The following ZNF556 variants were observed in gnomAD, a reference collection of about 807,000 sequenced individuals.
ZNF556 encodes zinc finger protein 556.
A neutral mutation model predicts 13.6 loss-of-function variants in ZNF556; 11 were observed. The observed-to-expected ratio is 0.81, with a 90% CI of 0.51 to 1.33. ZNF556 has a LOEUF of 1.33. ZNF556 is among the 40% of genes most tolerant of loss of function. ZNF556 has a pLI of 0.00. For synonymous variants in ZNF556, 229 were observed against 207.8 expected (o/e 1.10, Z -0.88); for missense variants, 633 against 566.2 (o/e 1.12, Z -1.20).
rs527518017 is a variant in ZNF556 at position 2,878,398 on chromosome 19, C to T, written c.*69C>T. On this transcript the variant is annotated 3_prime_UTR_variant, in exon 4 of 4. Coordinates refer to ENST00000307635, the MANE Select transcript of ZNF556 (RefSeq NM_024967.3). ...AAATTCACAGCAGGAGGGCCGGGCG[C>T]AGTGGCTCACGCCTGTAATCCCAGC... is the stretch of plus-strand genomic sequence containing the variant. 51 of 1,516,152 alleles carry T rather than the reference C, an allele frequency of 3.4e-5. No homozygotes were observed. The East Asian group carries it at 3.4e-4, about 10-fold the overall frequency. The allele number at this position is 1,516,152 out of a possible 1,614,324, so 93.9% of individuals were successfully genotyped here.
In ZNF556 at chr19:2,881,781, T is replaced by C. The variant is rs1057161976; in HGVS notation, c.*3452T>C. Reference sequence around the variant, plus strand: ...TTTTTAATACTATTTCAAGAACTGCTCATGAGTTAGGAAATAGTGAGCAGT... The same window carrying C: ...TTTTTAATACTATTTCAAGAACTGCCCATGAGTTAGGAAATAGTGAGCAGT... On this transcript the variant is annotated 3_prime_UTR_variant, in exon 4 of 4. Transcript: ENST00000307635. 1 of 151,756 alleles carries C rather than the reference T, an allele frequency of 6.6e-6. No homozygotes were observed. Among genetic ancestry groups the C allele is most frequent in the Non-Finnish European group, 1.5e-5 (1 of 68,004 alleles). 9.4% of individuals were successfully genotyped at this position (151,756 alleles called of 1,614,324 possible).
chr19:2,881,584 A>C lies in ZNF556; in HGVS notation c.*3255A>C, dbSNP rs974716866. ...AAGAGTAAGACTCCATCTCAAAAAA[A>C]AAAAAATTTTTTTTTTGGATAATAT... is the stretch of plus-strand genomic sequence containing the variant. On this transcript the variant is annotated 3_prime_UTR_variant, in exon 4 of 4. Coordinates refer to ENST00000307635, the MANE Select transcript of ZNF556 (RefSeq NM_024967.3). 2.0e-5 allele frequency: 3 copies of C among 151,952 alleles called. No homozygotes were observed. The highest frequency in any genetic ancestry group is 4.4e-5 in the Non-Finnish European group (3 of 68,002). 9.4% of individuals were successfully genotyped at this position (151,952 alleles called of 1,614,324 possible). A position where few individuals can be genotyped will look rare whatever the true frequency, so the allele number is the denominator to read the frequency against.
At chr19:2,872,343 G>C (rs910231256) in intron 1 of ZNF556, among the ~76,000 whole-genome samples, 1 of 151,028 alleles carries the variant, frequency 6.6e-6, no homozygotes, top group Non-Finnish European at 1.5e-5. Context: ...CTTCCCAGAC[G>C]CTGGCGTTAC....
rs887041383 is a variant in ZNF556, at chr19:2,881,760, T to TA, written c.*3433dup. ...GTCTTAAATACTATTTCTTTTTTTT[T>TA]AATACTATTTCAAGAACTGCTCATG... On this transcript the variant is annotated 3_prime_UTR_variant, in exon 4 of 4. Transcript: ENST00000307635. 3 of 151,974 alleles carry TA rather than the reference T, an allele frequency of 2.0e-5. No homozygotes were observed. The highest frequency in any genetic ancestry group is 7.3e-5 in the African/African-American group (3 of 41,364). 9.4% of individuals were successfully genotyped at this position (151,974 alleles called of 1,614,324 possible). A position where few individuals can be genotyped will look rare whatever the true frequency, so the allele number is the denominator to read the frequency against.
chr19:2,882,531 A>ATATATATATATATATATAGTGTGT lies in ZNF556; in HGVS notation c.*4202_*4203insTATATATATATATATATAGTGTGT, dbSNP rs57053138. On this transcript the variant is annotated 3_prime_UTR_variant, in exon 4 of 4. Transcript: ENST00000307635. Reference sequence around the variant, plus strand: ...ATACATTTTATATATATATATATATAGTGTGTGTGTGTGTGTGTGTGTGTG... The same window carrying ATATATATATATATATATAGTGTGT: ...ATACATTTTATATATATATATATATATATATATATATATATATAGTGTGTGTGTGTGTGTGTGTGTGTGTGTGTG... The ATATATATATATATATATAGTGTGT allele has an allele frequency of 1.6e-5, 2 of 127,722 alleles. No individual in the cohort carries two copies. Among genetic ancestry groups the ATATATATATATATATATAGTGTGT allele is most frequent in the African/African-American group, 6.1e-5 (2 of 32,940 alleles). The allele number at this position is 127,722 out of a possible 1,614,324, so 7.9% of individuals were successfully genotyped here.
chr19:2,868,331 T>C (rs1002982827), intron 1 of ZNF556, among the ~76,000 whole-genome samples: 1 of 152,232 alleles, frequency 6.6e-6, no homozygotes, highest in Admixed American at 6.6e-5. Context: ...ATTTGGTGAA[T>C]TACAAAAACT....
In ZNF556 at chr19:2,877,675, C is replaced by A. The variant is rs1007985204; in HGVS notation, c.717C>A (p.Gly239=). 2.5e-6 allele frequency: 4 copies of A among 1,614,098 alleles called. No individual in the cohort carries two copies. The African/African-American group carries it at 5.3e-5, about 22-fold the overall frequency. The part of the protein sequence containing the change: ...KPYECGQCGK[G]FSCPKSFRAH... The stretch of plus-strand genomic sequence containing the variant: ...ACGAATGTGGGCAGTGTGGGAAAGG[C>A]TTCAGTTGTCCCAAATCCTTTCGCG... The change falls in exon 4 of 4, where the codon GGC becomes GGA. Residue 239 remains glycine, a synonymous_variant. Transcript: ENST00000307635.
At position 2,867,388 on chromosome 19, in the gene ZNF556, G is replaced by GGAGCTCCTCAAA; in HGVS notation, c.-27_-16dup. The GGAGCTCCTCAAA allele has an allele frequency of 6.3e-7, 1 of 1,576,574 alleles. No homozygotes were observed. The highest frequency in any genetic ancestry group is 8.6e-7 in the Non-Finnish European group (1 of 1,162,218). On this transcript the variant is annotated 5_prime_UTR_variant, in exon 1 of 4. Coordinates refer to ENST00000307635, the MANE Select transcript of ZNF556 (RefSeq NM_024967.3). ...CACCTGCACCGGCTGCGAGGAGCAG[G>GGAGCTCCTCAAA]GAGCTCCTCAAAGAGCTCAGGAACG...
intron 1 of ZNF556, among the ~76,000 whole-genome samples, chr19:2,872,710 T>C (rs991345195): frequency 1.9e-4 from 29 of 150,990 alleles, no homozygotes; most frequent in Admixed American, 1.1e-3. Flanking sequence ...TCCCAGCTAC[T>C]CAGGAGGCTG....
In ZNF556 at chr19:2,882,531, A is replaced by ATATATAGTGTGTGTGTGTGTGTGT. The variant is rs57053138; in HGVS notation, c.*4202_*4203insTATATAGTGTGTGTGTGTGTGTGT. 23 of 127,718 alleles carry ATATATAGTGTGTGTGTGTGTGTGT rather than the reference A, an allele frequency of 1.8e-4. No individual in the cohort carries two copies. Among genetic ancestry groups the ATATATAGTGTGTGTGTGTGTGTGT allele is most frequent in the African/African-American group, 6.4e-4 (21 of 32,984 alleles). The allele number at this position is 127,718 out of a possible 1,614,324, so 7.9% of individuals were successfully genotyped here. A position where few individuals can be genotyped will look rare whatever the true frequency, so the allele number is the denominator to read the frequency against. On this transcript the variant is annotated 3_prime_UTR_variant, in exon 4 of 4. Coordinates refer to ENST00000307635, the MANE Select transcript of ZNF556 (RefSeq NM_024967.3). Reference sequence around the variant, plus strand: ...ATACATTTTATATATATATATATATAGTGTGTGTGTGTGTGTGTGTGTGTG... The same window carrying ATATATAGTGTGTGTGTGTGTGTGT: ...ATACATTTTATATATATATATATATATATATAGTGTGTGTGTGTGTGTGTGTGTGTGTGTGTGTGTGTGTGTGTG...
Position 2,878,151 on chromosome 19 carries a change from T to G in ZNF556, c.1193T>G (p.Val398Gly). ...AGAAAGCACACTGGGGAGAAACCTG[T>G]AAATGCAGCCAGTGTGGGAAAACCT... ...HERKHTGEKP[V>G]NAASVGKPSG... The change falls in exon 4 of 4, where the codon GTA (valine) becomes GGA (glycine). Residue 398 changes from valine to glycine, a missense_variant. Transcript: ENST00000307635. 1 of 1,614,104 alleles carries G rather than the reference T, an allele frequency of 6.2e-7. No individual in the cohort carries two copies. The highest frequency in any genetic ancestry group is 8.5e-7 in the Non-Finnish European group (1 of 1,180,006).
Position 2,882,745 on chromosome 19 carries a change from G to A in ZNF556, c.*4416G>A, listed in dbSNP as rs2087914829. The stretch of plus-strand genomic sequence containing the variant: ...AATTTTTTGTATTTTTAGTACAGGT[G>A]GGGTTTCACCTTGTTGGCCAGGATG... On this transcript the variant is annotated 3_prime_UTR_variant, in exon 4 of 4. Transcript: ENST00000307635. 1 of 152,032 alleles carries A rather than the reference G, an allele frequency of 6.6e-6. No homozygotes were observed. 9.4% of individuals were successfully genotyped at this position (152,032 alleles called of 1,614,324 possible).
intron 2 of ZNF556, 43 bp from the exon 3 acceptor site, chr19:2,876,050 G>A: frequency 6.5e-7 from 1 of 1,535,048 alleles, no homozygotes; most frequent in Non-Finnish European, 8.8e-7. Flanking sequence ...TTCTTTCTTT[G>A]CAGATGCCTT....
At chr19:2,869,398 G>A (rs946791514) in intron 1 of ZNF556, among the ~76,000 whole-genome samples, 1 of 151,882 alleles carries the variant, frequency 6.6e-6, no homozygotes, top group African/African-American at 2.4e-5. Flanking sequence ...ACGGAGTCTT[G>A]CTCTGTCACC....
chr19:2,873,361 A>C (rs886780649), intron 1 of ZNF556, 135 bp from the exon 2 acceptor site: 4 of 976,492 alleles, frequency 4.1e-6, no homozygotes, highest in Non-Finnish European at 6.0e-6. Context: ...AGAGGGGAAG[A>C]GGTCTGAGGA....
rs2087863679 is a variant in ZNF556 at position 2,877,483 on chromosome 19, TA to T, written c.528del (p.Lys176AsnfsTer47). 1 of 1,614,154 alleles carries T rather than the reference TA, an allele frequency of 6.2e-7. No individual in the cohort carries two copies. Among genetic ancestry groups the T allele is most frequent in the East Asian group, 2.2e-5 (1 of 44,878 alleles). ...KRAHSGQKLY[K>X]CKECGKAFSR... ...GAGCTCACTCTGGACAAAAATTATA[TA>T]AATGTAAGGAATGTGGGAAAGCCTT... On this transcript the variant is annotated frameshift_variant, in exon 4 of 4. Coordinates refer to ENST00000307635, the MANE Select transcript of ZNF556 (RefSeq NM_024967.3). LOFTEE classifies it low-confidence loss of function (END_TRUNC).
chr19:2,867,638 G>GA (rs751423378), intron 1 of ZNF556, among the ~76,000 whole-genome samples: 3 of 137,842 alleles, frequency 2.2e-5, no homozygotes, highest in Non-Finnish European at 3.1e-5. Flanking sequence ...GGATGGAGGG[G>GA]AAAAAAAGGC....
chr19:2,877,712 A>G lies in ZNF556; in HGVS notation c.754A>G (p.Met252Val). 1 of 1,613,656 alleles carries G rather than the reference A, an allele frequency of 6.2e-7. No individual in the cohort carries two copies. The highest frequency in any genetic ancestry group is 8.5e-7 in the Non-Finnish European group (1 of 1,179,712). Residue 252 changes from methionine (M) to valine (V), a missense_variant, in exon 4 of 4, where the codon ATG becomes GTG. Met to Val is a conservative substitution (Grantham distance 21, BLOSUM62 1). Coordinates refer to ENST00000307635, the MANE Select transcript of ZNF556 (RefSeq NM_024967.3). ...CPKSFRAHVMMHAGGRPYECK... is the reference protein window; with the variant it reads ...CPKSFRAHVMVHAGGRPYECK... ...CAAATCCTTTCGCGCACATGTGATG[A>G]TGCACGCCGGAGGGAGACCGTATGA... is the stretch of plus-strand genomic sequence containing the variant.
intron 1 of ZNF556, among the ~76,000 whole-genome samples, chr19:2,870,583 C>G (rs924956451): frequency 5.6e-4 from 84 of 151,240 alleles, no homozygotes; most frequent in Middle Eastern, 3.4e-3. Context: ...CTCATCTCTA[C>G]TAAAAATACA....
Sources: allele counts gnomAD v4.1 joint callset (sites outside exome capture counted in the v4.1 genomes callset), GRCh38; gene constraint gnomAD v4.1.1; transcripts MANE v1.5; gene names NCBI Gene and HGNC (gene_info 2026-07-23, HGNC 2026-07-21).